Variants in PRPF38B observed in about 807,000 individuals in gnomAD.
PRPF38B encodes the protein pre-mRNA processing factor 38B.
A neutral mutation model predicts 67.2 loss-of-function variants in PRPF38B; 18 were observed. The ratio of observed to expected loss-of-function variants is 0.27; its 90% CI spans 0.19 to 0.40. PRPF38B has a LOEUF of 0.40. Among genes scored for constraint, PRPF38B ranks in the 10% least tolerant of loss-of-function variants. The pLI is 1.00. For missense variants in PRPF38B, 544 were observed against 684.9 expected (o/e 0.79, Z 2.30); for synonymous variants, 246 against 234.2 (o/e 1.05, Z -0.46).
chr1:108,700,093 T>C lies in PRPF38B; in HGVS notation c.*73T>C, dbSNP rs1243576634. ...TCTGCTTTTTTCCCCCACGTTGAGA[T>C]TGTGCAGTAGTTCGCACTCCTCAAG... On this transcript the variant is annotated 3_prime_UTR_variant, in exon 6 of 6. Coordinates refer to ENST00000370025, the MANE Select transcript of PRPF38B (RefSeq NM_018061.4). The C allele has an allele frequency of 1.3e-6, 2 of 1,518,542 alleles. No individual in the cohort carries two copies. Among genetic ancestry groups the C allele is most frequent in the Non-Finnish European group, 1.8e-6 (2 of 1,139,746 alleles). The allele number at this position is 1,518,542 out of a possible 1,614,324, so 94.1% of individuals were successfully genotyped here. A position where few individuals can be genotyped will look rare whatever the true frequency, so the allele number is the denominator to read the frequency against.
At chr1:108,693,022 G>C (rs1411371235) in intron 1 of PRPF38B, among the ~76,000 whole-genome samples, 155 bp downstream of exon 1, 1 of 152,150 alleles carries the variant, frequency 6.6e-6, no homozygotes, top group African/African-American at 2.4e-5. Context: ...TCTGGGAGGG[G>C]TCGGACTGGG....
At position 108,700,541 on chromosome 1, in the gene PRPF38B, G is replaced by A. The variant is rs1176304492; in HGVS notation, c.*521G>A. 1 of 153,094 alleles carries A rather than the reference G, an allele frequency of 6.5e-6. No homozygotes were observed. The highest frequency in any genetic ancestry group is 2.4e-5 in the African/African-American group (1 of 41,458). 9.5% of individuals were successfully genotyped at this position (153,094 alleles called of 1,614,324 possible). A position where few individuals can be genotyped will look rare whatever the true frequency, so the allele number is the denominator to read the frequency against. ...TGTAGGATTAACATTCTTGTCTACTGTATATTATCTTGGAAGGCTCTTGTT... is the reference window on the plus strand; with the variant it reads ...TGTAGGATTAACATTCTTGTCTACTATATATTATCTTGGAAGGCTCTTGTT... On this transcript the variant is annotated 3_prime_UTR_variant, in exon 6 of 6. Coordinates refer to ENST00000370025, the MANE Select transcript of PRPF38B (RefSeq NM_018061.4).
At position 108,699,769 on chromosome 1, in the gene PRPF38B, AAAG is replaced by A; in HGVS notation, c.1393_1395del (p.Glu465del). 1 of 1,613,160 alleles carries A rather than the reference AAAG, an allele frequency of 6.2e-7. No individual in the cohort carries two copies. The highest frequency in any genetic ancestry group is 8.5e-7 in the Non-Finnish European group (1 of 1,179,834). ...ATCAAGTAAACATAAAAATGAAAGT[AAAG>A]AAAAATCAAATAAACGAAGTCGAAG... is the stretch of plus-strand genomic sequence containing the variant. On this transcript the variant is annotated inframe_deletion, in exon 6 of 6. Coordinates refer to ENST00000370025, the MANE Select transcript of PRPF38B (RefSeq NM_018061.4).
chr1:108,695,996 G>A, intron 2 of PRPF38B, 47 bp from the exon 3 acceptor site: 1 of 1,576,640 alleles, frequency 6.3e-7, no homozygotes, highest in Non-Finnish European at 8.7e-7. Context: ...GGTGTTAAGA[G>A]TCCGTTAATT....
Position 108,699,787 on chromosome 1 carries a change from C to T in PRPF38B, c.1408C>T (p.Arg470Ter). The T allele has an allele frequency of 3.1e-6, 5 of 1,612,840 alleles. No homozygotes were observed. Among genetic ancestry groups the T allele is most frequent in the Non-Finnish European group, 4.2e-6 (5 of 1,179,762 alleles). ...KNESKEKSNK[R>*]SRSGSQGRTD... Reference sequence around the variant, plus strand: ...TGAAAGTAAAGAAAAATCAAATAAACGAAGTCGAAGTGGCAGTCAAGGAAG... The same window carrying T: ...TGAAAGTAAAGAAAAATCAAATAAATGAAGTCGAAGTGGCAGTCAAGGAAG... Residue 470 changes from arginine (R) to a stop codon, truncating the protein, a stop_gained, in exon 6 of 6, where the codon CGA becomes TGA. Coordinates refer to ENST00000370025, the MANE Select transcript of PRPF38B (RefSeq NM_018061.4). LOFTEE classifies it high-confidence loss of function.
chr1:108,697,674 T>A (rs1660041580), intron 4 of PRPF38B: 1 of 152,242 alleles, frequency 6.6e-6, no homozygotes, highest in Admixed American at 6.5e-5. Context: ...CTCCCTTCTG[T>A]CTTTAAAAAA....
In PRPF38B at chr1:108,702,280, C is replaced by A. The variant is rs762775272; in HGVS notation, c.*2260C>A. Reference sequence around the variant, plus strand: ...AGCTGGGACCACAGGTGCATGCTAGCACACCCGGCTAATTTGTATTTTTGG... The same window carrying A: ...AGCTGGGACCACAGGTGCATGCTAGAACACCCGGCTAATTTGTATTTTTGG... On this transcript the variant is annotated 3_prime_UTR_variant, in exon 6 of 6. Transcript: ENST00000370025. 5.0e-4 allele frequency among the ~76,000 whole-genome samples: 76 copies of A among 152,238 alleles called. No homozygotes were observed. The highest frequency in any genetic ancestry group is 6.3e-4 in the Non-Finnish European group (43 of 68,022).
Position 108,701,980 on chromosome 1 carries a change from TTGGATA to T in PRPF38B, c.*1964_*1969del, listed in dbSNP as rs1446615005. ...ATACCTAAATTATGGAGCTACTACT[TTGGATA>T]TGGTTCCATGTGAAATGTTTTATCT... On this transcript the variant is annotated 3_prime_UTR_variant, in exon 6 of 6. Transcript: ENST00000370025. Among the ~76,000 whole-genome samples, 3 of 152,124 alleles carry T rather than the reference TTGGATA, an allele frequency of 2.0e-5. No individual in the cohort carries two copies. Among genetic ancestry groups the T allele is most frequent in the Non-Finnish European group, 4.4e-5 (3 of 68,028 alleles).
intron 1 of PRPF38B, among the ~76,000 whole-genome samples, chr1:108,693,168 C>T (rs1431107085): frequency 6.6e-6 from 1 of 152,232 alleles, no homozygotes; most frequent in East Asian, 1.9e-4. Flanking sequence ...GAAAGAGTAA[C>T]AGAAGCCTTT....
rs949688375 is a variant in PRPF38B at position 108,699,517 on chromosome 1, A to G, written c.1138A>G (p.Lys380Glu). The change falls in exon 6 of 6, where the codon AAA (lysine) becomes GAA (glutamate). Residue 380 changes from lysine (K) to glutamate (E), a missense_variant. Physicochemically the swap from Lys to Glu is moderately conservative, Grantham distance 56. Transcript: ENST00000370025. ...YDKERGNERE[K>E]ERERSRERSK... ...TAAGGAAAGAGGAAATGAACGAGAA[A>G]AAGAGAGAGAGCGATCAAGAGAAAG... 17 of 1,565,888 alleles carry G rather than the reference A, an allele frequency of 1.1e-5. No individual in the cohort carries two copies. Among genetic ancestry groups the G allele is most frequent in the Non-Finnish European group, 1.5e-5 (17 of 1,155,050 alleles).
chr1:108,692,543 T>G lies in PRPF38B; in HGVS notation c.-49T>G. 6.7e-7 allele frequency: 1 copy of G among 1,495,724 alleles called. No homozygotes were observed. The highest frequency in any genetic ancestry group is 8.9e-7 in the Non-Finnish European group (1 of 1,123,608). The allele number at this position is 1,495,724 out of a possible 1,614,324, so 92.7% of individuals were successfully genotyped here. ...GTTGTCCCGAAGAGCGAGATCGAGC[T>G]TGGCCCCCTCCCCCCCCTCCTTCCC... is the stretch of plus-strand genomic sequence containing the variant. On this transcript the variant is annotated 5_prime_UTR_variant, in exon 1 of 6. Transcript: ENST00000370025.
At chr1:108,697,736 C>G (rs1176417136) in intron 4 of PRPF38B, 1 of 152,062 alleles carries the variant, frequency 6.6e-6, no homozygotes, top group Non-Finnish European at 1.5e-5. Context: ...CTGGATGCCT[C>G]TATTTTATGT....
Position 108,696,069 on chromosome 1 carries a change from T to C in PRPF38B, c.372T>C (p.Ile124=). Residue 124 remains isoleucine (I), a synonymous_variant, in exon 3 of 6, where the codon ATT becomes ATC. Coordinates refer to ENST00000370025, the MANE Select transcript of PRPF38B (RefSeq NM_018061.4). Reference sequence around the variant, plus strand: ...TTCGAGGTGTTGGAACAGGAGGAATTGTTTCTACAGCATTTTGCCTGTTAT... The same window carrying C: ...TTCGAGGTGTTGGAACAGGAGGAATCGTTTCTACAGCATTTTGCCTGTTAT... ...GGVRGVGTGG[I]VSTAFCLLYK... 2.2e-5 allele frequency: 35 copies of C among 1,613,680 alleles called. No homozygotes were observed. Among genetic ancestry groups the C allele is most frequent in the Non-Finnish European group, 3.0e-5 (35 of 1,179,866 alleles).
chr1:108,693,175 C>G (rs568238579), intron 1 of PRPF38B, among the ~76,000 whole-genome samples: 2 of 152,224 alleles, frequency 1.3e-5, no homozygotes, highest in East Asian at 3.9e-4. Context: ...TAACAGAAGC[C>G]TTTCCAGTTT....
intron 1 of PRPF38B, chr1:108,693,455 C>CT (rs1459859898): frequency 4.3e-6 from 1 of 235,258 alleles, no homozygotes; most frequent in Admixed American, 6.5e-5. Flanking sequence ...TCTCAGCCAC[C>CT]TGTGCATTGG....
Position 108,692,418 on chromosome 1 carries a change from G to A in PRPF38B, c.-174G>A, listed in dbSNP as rs1659387737. 1.4e-6 allele frequency: 1 copy of A among 716,632 alleles called. No individual in the cohort carries two copies. Among genetic ancestry groups the A allele is most frequent in the Non-Finnish European group, 2.2e-6 (1 of 447,542 alleles). 44.4% of individuals were successfully genotyped at this position (716,632 alleles called of 1,614,324 possible). On this transcript the variant is annotated 5_prime_UTR_variant, in exon 1 of 6. Coordinates refer to ENST00000370025, the MANE Select transcript of PRPF38B (RefSeq NM_018061.4). ...GGTTTCGCTGTCTGCTCTTGGCCCG[G>A]GGTCATTTTGTCGGCGTCGGGTGCC...
rs140358618 is a variant in PRPF38B at position 108,695,707 on chromosome 1, G to A, written c.282G>A (p.Thr94=). ...EVVDEIYFKV[T]HVEPWEKGSR... ...TTCCTCTTTTCTATTTTCAGGTCAC[G>A]CACGTTGAACCATGGGAGAAAGGAA... is the stretch of plus-strand genomic sequence containing the variant. Residue 94 remains threonine (T), a synonymous_variant, in exon 2 of 6, where the codon ACG becomes ACA. Transcript: ENST00000370025. The A allele has an allele frequency of 1.1e-3, 1,831 of 1,613,814 alleles. 17 individuals are homozygous for A. The African/African-American group carries it at 0.021, about 18-fold the overall frequency.
intron 1 of PRPF38B, chr1:108,693,675 A>G (rs1169500477): frequency 2.0e-5 from 19 of 951,610 alleles, no homozygotes; most frequent in Non-Finnish European, 2.1e-5. Context: ...AATCGCCATA[A>G]ATGCATTTCC....
chr1:108,700,092 A>T lies in PRPF38B; in HGVS notation c.*72A>T. The T allele has an allele frequency of 1.3e-6, 2 of 1,518,348 alleles. No homozygotes were observed. The highest frequency in any genetic ancestry group is 4.5e-5 in the East Asian group (2 of 44,146). The allele number at this position is 1,518,348 out of a possible 1,614,324, so 94.1% of individuals were successfully genotyped here. A position where few individuals can be genotyped will look rare whatever the true frequency, so the allele number is the denominator to read the frequency against. ...ATCTGCTTTTTTCCCCCACGTTGAG[A>T]TTGTGCAGTAGTTCGCACTCCTCAA... is the stretch of plus-strand genomic sequence containing the variant. On this transcript the variant is annotated 3_prime_UTR_variant, in exon 6 of 6. Coordinates refer to ENST00000370025, the MANE Select transcript of PRPF38B (RefSeq NM_018061.4).
Sources: gnomAD v4.1 joint callset for allele counts (sites outside exome capture counted in the v4.1 genomes callset) on GRCh38, gnomAD v4.1.1 for gene constraint, MANE v1.5 for transcripts, NCBI Gene and HGNC (gene_info 2026-07-23, HGNC 2026-07-21) for gene names.